The following TRAPPC11 variants were observed in gnomAD, a reference collection of about 807,000 sequenced individuals.
TRAPPC11 encodes trafficking protein particle complex subunit 11, also known as foie gras homolog.
In TRAPPC11, 104 loss-of-function variants were observed where a neutral mutation model predicts 151.2. That is an observed-to-expected ratio of 0.69 (90% confidence interval 0.59 to 0.81). TRAPPC11 has a LOEUF of 0.81. TRAPPC11 is among the 30% of genes least tolerant of loss of function. The probability of loss-of-function intolerance (pLI) is 0.00; values close to 1 mark genes in which losing one functional copy is unlikely to be tolerated. For synonymous variants in TRAPPC11, 456 were observed against 472.3 expected (o/e 0.97, Z 0.45); for missense variants, 1,230 against 1,349.6 (o/e 0.91, Z 1.39).
At chr4:183,666,461 T>C (rs1468599121) in intron 3 of TRAPPC11, 35 bp downstream of exon 3, 1 of 1,602,940 alleles carries the variant, frequency 6.2e-7, no homozygotes, top group Admixed American at 1.7e-5. Context: ...CTATGTCAGT[T>C]TGCACATGTG....
intron 18 of TRAPPC11, among the ~76,000 whole-genome samples, chr4:183,690,987 T>G (rs1736229983): frequency 6.6e-6 from 1 of 151,988 alleles, no homozygotes; most frequent in Admixed American, 6.6e-5. Context: ...CAGGAAAGAT[T>G]ATAGCATCAC....
rs1055158494 is a variant in TRAPPC11 at position 183,663,939 on chromosome 4, C to T, written c.72C>T (p.Gly24=). 4 of 1,613,940 alleles carry T rather than the reference C, an allele frequency of 2.5e-6. No individual in the cohort carries two copies. The African/African-American group carries it at 4.0e-5, about 16-fold the overall frequency. ...CTATGGCCTTTGTTACTCTAACGGGCCTGGATGTAGTTTATAATGCAGTCC... is the reference window on the plus strand; with the variant it reads ...CTATGGCCTTTGTTACTCTAACGGGTCTGGATGTAGTTTATAATGCAGTCC... ...CRPMAFVTLT[G]LDVVYNAVHR... is the part of the protein sequence containing the mutation. Residue 24 remains glycine, a synonymous_variant, in exon 2 of 30, where the codon GGC becomes GGT. Transcript: ENST00000334690.
intron 1 of TRAPPC11, among the ~76,000 whole-genome samples, chr4:183,661,757 C>CTTT (rs562308106): frequency 0.015 from 1,462 of 100,048 alleles, 53 homozygotes; most frequent in African/African-American, 0.036. Context: ...TTTGGAATAA[C>CTTT]TTTTTTTTTT....
chr4:183,686,074 G>A (rs1410151863), intron 17 of TRAPPC11, among the ~76,000 whole-genome samples: 1 of 152,138 alleles, frequency 6.6e-6, no homozygotes, highest in Non-Finnish European at 1.5e-5. Flanking sequence ...CTGACCTTAG[G>A]TGATGCACCC....
intron 23 of TRAPPC11, among the ~76,000 whole-genome samples, chr4:183,694,945 C>CTTTTTT (rs34556587): frequency 2.4e-4 from 29 of 119,846 alleles, no homozygotes; most frequent in Non-Finnish European, 3.1e-4. Flanking sequence ...TATGGCTTTT[C>CTTTTTT]TTTTTTTTTT....
intron 9 of TRAPPC11, 74 bp from the exon 10 acceptor site, chr4:183,680,046 C>T (rs1267434503): frequency 1.5e-6 from 2 of 1,348,032 alleles, no homozygotes; most frequent in African/African-American, 2.9e-5. Context: ...GTTAAGTTTC[C>T]CAGGATGAAT....
chr4:183,684,598 T>G, intron 14 of TRAPPC11, 98 bp from the exon 15 acceptor site: 1 of 1,331,588 alleles, frequency 7.5e-7, no homozygotes, highest in Non-Finnish European at 1.0e-6. Context: ...AAGATTTTTC[T>G]ATACTTACAT....
intron 11 of TRAPPC11, among the ~76,000 whole-genome samples, chr4:183,683,423 G>A (rs899533735): frequency 6.6e-6 from 1 of 152,110 alleles, no homozygotes; most frequent in African/African-American, 2.4e-5. Context: ...CGCTTTGGGA[G>A]GCCAAGGTGG....
In TRAPPC11 at chr4:183,712,586, T is replaced by G. The variant is rs1372693328; in HGVS notation, c.3358-14T>G. On this transcript the variant is annotated splice_polypyrimidine_tract_variant and intron_variant, in intron 29 of 29. Coordinates refer to ENST00000334690, the MANE Select transcript of TRAPPC11 (RefSeq NM_021942.6). ...ATAATTTTGTAAACCCACTTTGTTT[T>G]TCCCACTTTAAAGCCACAGGGTCGA... is the stretch of plus-strand genomic sequence containing the variant. 4.3e-6 allele frequency: 7 copies of G among 1,613,712 alleles called. No individual in the cohort carries two copies. The highest frequency in any genetic ancestry group is 5.9e-6 in the Non-Finnish European group (7 of 1,179,840).
rs1165427961 is a variant in TRAPPC11, at chr4:183,691,433, T to A, written c.2011T>A (p.Phe671Ile). The A allele has an allele frequency of 5.3e-6, 8 of 1,523,060 alleles. No individual in the cohort carries two copies. The highest frequency in any genetic ancestry group is 7.1e-6 in the Non-Finnish European group (8 of 1,123,168). 94.3% of individuals were successfully genotyped at this position (1,523,060 alleles called of 1,614,324 possible). ...CAAAACAAGAAAACTGTTATTTAAGTTTGTTGCAAAAACTGAAGATGTGGG... is the reference window on the plus strand; with the variant it reads ...CAAAACAAGAAAACTGTTATTTAAGATTGTTGCAAAAACTGAAGATGTGGG... ...PGKTRKLLFK[F>I]VAKTEDVGKK... The change falls in exon 19 of 30, where the codon TTT becomes ATT. Residue 671 changes from phenylalanine to isoleucine, a missense_variant. By Grantham distance (21) the Phe-to-Ile change is conservative. Transcript: ENST00000334690.
chr4:183,706,672 T>G, intron 27 of TRAPPC11, 135 bp from the exon 28 acceptor site: 1 of 923,032 alleles, frequency 1.1e-6, no homozygotes. Flanking sequence ...AAGAATTTTC[T>G]TATCCGGCAA....
chr4:183,680,366 T>A, intron 10 of TRAPPC11, 99 bp downstream of exon 10: 1 of 1,289,964 alleles, frequency 7.8e-7, no homozygotes, highest in Non-Finnish European at 1.0e-6. Flanking sequence ...TCCAAGTCTT[T>A]AAATTTAATT....
chr4:183,694,156 T>G, intron 22 of TRAPPC11, 118 bp downstream of exon 22: 1 of 1,070,000 alleles, frequency 9.3e-7, no homozygotes, highest in Non-Finnish European at 1.4e-6. Flanking sequence ...AAAAAGTGAT[T>G]TAACTAATGA....
chr4:183,711,817 C>T (rs576059731), intron 29 of TRAPPC11, among the ~76,000 whole-genome samples: 92 of 152,170 alleles, frequency 6.0e-4, no homozygotes, highest in Non-Finnish European at 1.1e-3. Context: ...CTGCTTTCCC[C>T]ACAAAGGTCT....
chr4:183,660,916 A>AT (rs1734465865), intron 1 of TRAPPC11, among the ~76,000 whole-genome samples: 2 of 148,960 alleles, frequency 1.3e-5, no homozygotes, highest in African/African-American at 4.9e-5. Flanking sequence ...GTTTCACCCT[A>AT]TTGGCCAGGC....
chr4:183,709,878 A>G (rs1737257459), intron 29 of TRAPPC11, among the ~76,000 whole-genome samples: 1 of 152,172 alleles, frequency 6.6e-6, no homozygotes, highest in Non-Finnish European at 1.5e-5. Flanking sequence ...GTCTAAAGAC[A>G]TTTCCATTGG....
At position 183,689,930 on chromosome 4, in the gene TRAPPC11, C is replaced by T. The variant is rs1265825750; in HGVS notation, c.1894-1386C>T. Among the ~76,000 whole-genome samples, 7 of 152,078 alleles carry T rather than the reference C, an allele frequency of 4.6e-5. No homozygotes were observed. The East Asian group carries it at 1.3e-3, about 29-fold the overall frequency. On this transcript the variant is annotated intron_variant, in intron 18 of 29. Coordinates refer to ENST00000334690, the MANE Select transcript of TRAPPC11 (RefSeq NM_021942.6). Reference sequence around the variant, plus strand: ...TGAAATTTAAGATACAGGCGGGGCGCAGTGGCTCACGCCTGTAATCCCAGC... The same window carrying T: ...TGAAATTTAAGATACAGGCGGGGCGTAGTGGCTCACGCCTGTAATCCCAGC...
rs1735916075 is a variant in TRAPPC11 at position 183,685,403 on chromosome 4, G to A, written c.1762G>A (p.Val588Met). The A allele has an allele frequency of 6.2e-7, 1 of 1,612,060 alleles. No individual in the cohort carries two copies. The highest frequency in any genetic ancestry group is 1.3e-5 in the African/African-American group (1 of 74,886). The change falls in exon 17 of 30, where the codon GTG (valine) becomes ATG (methionine). Residue 588 changes from valine to methionine, a missense_variant and splice_region_variant. Physicochemically the swap from Val to Met is conservative, Grantham distance 21 (BLOSUM62 1). Coordinates refer to ENST00000334690, the MANE Select transcript of TRAPPC11 (RefSeq NM_021942.6). ...AGGAGTACAGGACTTTGTGCCATTTGGTAGGTAGCTAACATCTACAGTACT... is the reference window on the plus strand; with the variant it reads ...AGGAGTACAGGACTTTGTGCCATTTAGTAGGTAGCTAACATCTACAGTACT... ...TIGVQDFVPF[V>M]QCKAKFHAPS...
intron 1 of TRAPPC11, among the ~76,000 whole-genome samples, chr4:183,663,482 C>G (rs757901348): frequency 6.6e-6 from 1 of 152,286 alleles, no homozygotes; most frequent in South Asian, 2.1e-4. Context: ...ATCTGCCCAC[C>G]TAGGCCTCCC....
Sources: allele counts gnomAD v4.1 joint callset (sites outside exome capture counted in the v4.1 genomes callset), GRCh38; gene constraint gnomAD v4.1.1; transcripts MANE v1.5; gene names NCBI Gene and HGNC (gene_info 2026-07-23, HGNC 2026-07-21).